The following ZNF521 variants were observed in gnomAD, a reference collection of about 807,000 sequenced individuals.
The protein encoded by ZNF521 is LYST-interacting protein 3.
A neutral mutation model predicts 105.5 loss-of-function variants in ZNF521; 14 were observed. That is an observed-to-expected ratio of 0.13 (90% CI 0.09 to 0.21). ZNF521 has a LOEUF of 0.21. Among genes scored for constraint, ZNF521 ranks in the 10% least tolerant of loss-of-function variants. The pLI is 1.00. For missense variants in ZNF521, 1,233 were observed against 1,629.7 expected, an observed-to-expected ratio of 0.76 and a Z score of 4.19; for synonymous variants, 635 against 606.0, an observed-to-expected ratio of 1.05 and a Z score of -0.70.
intron 3 of ZNF521, among the ~76,000 whole-genome samples, chr18:25,286,333 C>A (rs887610801): frequency 1.3e-5 from 2 of 152,178 alleles, no homozygotes; most frequent in Non-Finnish European, 2.9e-5. Flanking sequence ...CCGACAAGTA[C>A]AACCAAAATG....
intron 3 of ZNF521, among the ~76,000 whole-genome samples, chr18:25,278,688 G>A (rs1910187437): frequency 6.6e-6 from 1 of 152,120 alleles, no homozygotes; most frequent in South Asian, 2.1e-4. Context: ...AAATTGCACT[G>A]TAATTTAAAG....
At chr18:25,143,498 T>C (rs1399121893) in intron 5 of ZNF521, among the ~76,000 whole-genome samples, 1 of 152,140 alleles carries the variant, frequency 6.6e-6, no homozygotes, top group Non-Finnish European at 1.5e-5. Flanking sequence ...TGGGCAAGGA[T>C]GGTTTTGTTT....
intron 5 of ZNF521, among the ~76,000 whole-genome samples, chr18:25,140,999 C>G (rs1671337291): frequency 6.6e-6 from 1 of 152,276 alleles, no homozygotes; most frequent in Admixed American, 6.5e-5. Flanking sequence ...TCCAAAGGCA[C>G]TCTCGCTTCT....
chr18:25,301,365 C>T lies in ZNF521; in HGVS notation c.220+20643G>A, dbSNP rs75807930. On this transcript the variant is annotated intron_variant, in intron 3 of 7. Coordinates refer to ENST00000361524, the MANE Select transcript of ZNF521 (RefSeq NM_015461.3). ...GTGCCTGCAATTGCAGAGACTTGAT[C>T]ACAGTGCTTGCCTATATCAAAACAT... Among the ~76,000 whole-genome samples, 822 of 152,304 alleles carry T rather than the reference C, an allele frequency of 5.4e-3. 6 individuals are homozygous for T. The highest frequency in any genetic ancestry group is 0.019 in the African/African-American group (785 of 41,570).
chr18:25,343,297 A>G (rs1287743927), intron 2 of ZNF521, among the ~76,000 whole-genome samples: 1 of 152,218 alleles, frequency 6.6e-6, no homozygotes, highest in Non-Finnish European at 1.5e-5. Flanking sequence ...AATTTCAAAA[A>G]GGAAATCTTA....
At chr18:25,300,947 C>G (rs1911610443) in intron 3 of ZNF521, among the ~76,000 whole-genome samples, 2 of 152,152 alleles carry the variant, frequency 1.3e-5, no homozygotes, top group Non-Finnish European at 2.9e-5. Context: ...GATGGATCAT[C>G]ATTGCCTATG....
intron 5 of ZNF521, among the ~76,000 whole-genome samples, chr18:25,102,573 C>T (rs547060895): frequency 2.2e-3 from 330 of 152,030 alleles, no homozygotes; most frequent in African/African-American, 7.7e-3. Context: ...GTTGCCCAGG[C>T]TAGAGTACAG....
intron 3 of ZNF521, among the ~76,000 whole-genome samples, chr18:25,312,493 G>A (rs2145113325): frequency 6.6e-6 from 1 of 152,240 alleles, no homozygotes; most frequent in Admixed American, 6.5e-5. Flanking sequence ...AACCGGAAAA[G>A]GAAGCATACT....
intron 4 of ZNF521, among the ~76,000 whole-genome samples, chr18:25,204,546 A>T (rs2036046150): frequency 1.3e-5 from 2 of 152,192 alleles, no homozygotes; most frequent in Non-Finnish European, 2.9e-5. Context: ...GAGTCATTTT[A>T]TTTCTAAGAA....
chr18:25,255,764 G>C (rs1027131505), intron 3 of ZNF521, among the ~76,000 whole-genome samples: 22 of 151,706 alleles, frequency 1.5e-4, no homozygotes, highest in Non-Finnish European at 2.8e-4. Context: ...TTAAGCATAC[G>C]ACCCAGCAAT....
intron 7 of ZNF521, among the ~76,000 whole-genome samples, chr18:25,086,723 T>C (rs557822234): frequency 1.3e-5 from 2 of 152,272 alleles, no homozygotes; most frequent in East Asian, 1.9e-4. Flanking sequence ...AGTTGTGGGA[T>C]TGGAAATATA....
At chr18:25,221,440 T>C (rs1324782579) in intron 4 of ZNF521, among the ~76,000 whole-genome samples, 1 of 152,166 alleles carries the variant, frequency 6.6e-6, no homozygotes, top group African/African-American at 2.4e-5. Context: ...TGGACACAAA[T>C]GTTTACCGAT....
chr18:25,167,934 T>C lies in ZNF521; in HGVS notation c.3658+27226A>G, dbSNP rs138807934. Among the ~76,000 whole-genome samples, 484 of 152,288 alleles carry C rather than the reference T, an allele frequency of 3.2e-3. 2 individuals are homozygous for C. Among genetic ancestry groups the C allele is most frequent in the African/African-American group, 0.011 (451 of 41,564 alleles). On this transcript the variant is annotated intron_variant, in intron 5 of 7. Coordinates refer to ENST00000361524, the MANE Select transcript of ZNF521 (RefSeq NM_015461.3). ...GGCTTTTAAAAGCATTTAGAAAATATGTACAAGGATGAAAAGGTCACTCGC... is the reference window on the plus strand; with the variant it reads ...GGCTTTTAAAAGCATTTAGAAAATACGTACAAGGATGAAAAGGTCACTCGC...
intron 3 of ZNF521, among the ~76,000 whole-genome samples, chr18:25,273,220 CAAAAAAAAAAAAAAAAAAAA>C (rs67381140): frequency 7.3e-5 from 3 of 40,886 alleles, no homozygotes; most frequent in South Asian, 2.3e-3. Flanking sequence ...ACCCTGTCTC[CAAAAAAAAAAAAAAAAAAAA>C]AAAAAAAAAA....
At chr18:25,351,933 G>A in intron 1 of ZNF521, 72 bp downstream of exon 1, 1 of 297,440 alleles carries the variant, frequency 3.4e-6, no homozygotes, top group Non-Finnish European at 6.9e-6. Context: ...AGAGCAGGAG[G>A]AGGAGGAGGA....
chr18:25,328,540 C>G (rs115158288), intron 2 of ZNF521, among the ~76,000 whole-genome samples: 3 of 151,114 alleles, frequency 2.0e-5, no homozygotes, highest in Admixed American at 6.6e-5. Flanking sequence ...CCTCCTTTAT[C>G]TTATTTTTTT....
At chr18:25,333,321 T>C (rs1454955500) in intron 2 of ZNF521, among the ~76,000 whole-genome samples, 1 of 148,712 alleles carries the variant, frequency 6.7e-6, no homozygotes. Context: ...TCTCTATATA[T>C]ATATATATAT....
chr18:25,071,152 T>A (rs777881499), intron 7 of ZNF521, among the ~76,000 whole-genome samples: 217 of 152,306 alleles, frequency 1.4e-3, no homozygotes, highest in Non-Finnish European at 2.9e-3. Flanking sequence ...TTCCCCATTT[T>A]AAAAAGAGAA....
chr18:25,162,942 T>C (rs2035275781), intron 5 of ZNF521, among the ~76,000 whole-genome samples: 1 of 152,206 alleles, frequency 6.6e-6, no homozygotes. Context: ...CCTTAAAATA[T>C]GTTCATTATT....
Sources: gnomAD v4.1 joint callset for allele counts (sites outside exome capture counted in the v4.1 genomes callset) on GRCh38, gnomAD v4.1.1 for gene constraint, MANE v1.5 for transcripts, NCBI Gene and HGNC (gene_info 2026-07-23, HGNC 2026-07-21) for gene names.